The following KSR2 variants were observed in gnomAD, a reference collection of about 807,000 sequenced individuals.
The protein encoded by KSR2 is kinase suppressor of ras 2.
Under a neutral mutation model 107.8 loss-of-function variants are expected in KSR2, and 25 were observed. The ratio of observed to expected loss-of-function variants is 0.23; its 90% CI spans 0.17 to 0.32. KSR2 has a LOEUF of 0.32. Among genes scored for constraint, KSR2 ranks in the 10% least tolerant of loss-of-function variants. The pLI, the probability that KSR2 is intolerant of heterozygous loss-of-function variation, is 1.00. For missense variants in KSR2, 887 were observed against 1,268.9 expected, an observed-to-expected ratio of 0.70 and a Z score of 4.57; for synonymous variants, 480 against 507.0, an observed-to-expected ratio of 0.95 and a Z score of 0.71.
At chr12:117,586,629 A>AAAGAAAGAAAG (rs1880013883) in intron 5 of KSR2, among the ~76,000 whole-genome samples, 7 of 138,314 alleles carry the variant, frequency 5.1e-5, no homozygotes, top group East Asian at 2.1e-4. Flanking sequence ...AAAAGAAAGA[A>AAAGAAAGAAAG]AAAGAAAGAA....
chr12:117,595,897 G>A (rs546273689), intron 5 of KSR2, among the ~76,000 whole-genome samples: 2 of 152,268 alleles, frequency 1.3e-5, no homozygotes, highest in South Asian at 2.1e-4. Context: ...CTCAGAAGAG[G>A]GTGTTTGACC....
intron 4 of KSR2, among the ~76,000 whole-genome samples, chr12:117,724,890 G>C (rs921680460): frequency 3.9e-5 from 6 of 152,060 alleles, no homozygotes; most frequent in African/African-American, 1.4e-4. Context: ...GAAGTCAAGA[G>C]AGTCAAAGAC....
intron 14 of KSR2, among the ~76,000 whole-genome samples, chr12:117,501,403 C>G (rs1873367290): frequency 6.6e-6 from 1 of 152,210 alleles, no homozygotes; most frequent in African/African-American, 2.4e-5. Flanking sequence ...ACTAGAAGGG[C>G]TTTCTTCAAT....
Position 117,477,617 on chromosome 12 carries a change from C to T in KSR2, c.2451-1022G>A, listed in dbSNP as rs763928413. Among the ~76,000 whole-genome samples, 127 of 152,282 alleles carry T rather than the reference C, an allele frequency of 8.3e-4. 3 individuals carry two copies. Among genetic ancestry groups the T allele is most frequent in the Non-Finnish European group, 4.1e-4 (28 of 68,020 alleles). On this transcript the variant is annotated intron_variant, in intron 16 of 19. Coordinates refer to ENST00000339824, the MANE Select transcript of KSR2 (RefSeq NM_173598.6). Reference sequence around the variant, plus strand: ...CAGGTAAACTGTGAGCTAAGATCTACGTGACATAAAGGATCCAGTTATGTG... The same window carrying T: ...CAGGTAAACTGTGAGCTAAGATCTATGTGACATAAAGGATCCAGTTATGTG...
intron 5 of KSR2, among the ~76,000 whole-genome samples, chr12:117,621,654 G>A (rs1004132117): frequency 1.3e-5 from 2 of 152,024 alleles, no homozygotes; most frequent in African/African-American, 4.8e-5. Context: ...TTTAGTTAAT[G>A]GTATTATACC....
chr12:117,535,450 T>TTC (rs1875975284), intron 10 of KSR2, among the ~76,000 whole-genome samples: 3 of 152,038 alleles, frequency 2.0e-5, no homozygotes, highest in African/African-American at 7.2e-5. Context: ...AAAGAGGCAC[T>TTC]CAGGAGAGAC....
rs1409873040 is a variant in KSR2 at position 117,630,923 on chromosome 12, A to C, written c.1171+36551T>G. On this transcript the variant is annotated intron_variant, in intron 5 of 19. Coordinates refer to ENST00000339824, the MANE Select transcript of KSR2 (RefSeq NM_173598.6). ...TTTCCTGTGGGTATAGATTCTCCAA[A>C]GACCTGAGGATTCACAATCCAAGCC... Among the ~76,000 whole-genome samples, 4 of 152,298 alleles carry C rather than the reference A, an allele frequency of 2.6e-5. No individual in the cohort carries two copies. In the East Asian group the frequency reaches 7.7e-4, roughly 29 times the overall value.
chr12:117,606,105 C>G (rs566434668), intron 5 of KSR2, among the ~76,000 whole-genome samples: 5 of 152,012 alleles, frequency 3.3e-5, no homozygotes, highest in Non-Finnish European at 4.4e-5. Flanking sequence ...TTGCAGAGTG[C>G]TTAGGACAGG....
chr12:117,682,188 T>A (rs933823800), intron 4 of KSR2, among the ~76,000 whole-genome samples: 2 of 151,948 alleles, frequency 1.3e-5, no homozygotes, highest in Non-Finnish European at 2.9e-5. Flanking sequence ...AAACACCACA[T>A]GTTATCACTT....
chr12:117,920,538 G>A (rs1238824295), intron 1 of KSR2, among the ~76,000 whole-genome samples: 1 of 152,014 alleles, frequency 6.6e-6, no homozygotes, highest in Non-Finnish European at 1.5e-5. Flanking sequence ...GTTATTTGTT[G>A]AGCATTTACT....
intron 2 of KSR2, among the ~76,000 whole-genome samples, chr12:117,859,525 T>C (rs1893217153): frequency 6.8e-6 from 1 of 147,426 alleles, no homozygotes; most frequent in Non-Finnish European, 1.5e-5. Flanking sequence ...GGCATGATCA[T>C]AGCTCACTGT....
chr12:117,951,966 T>C (rs1037173105), intron 1 of KSR2, among the ~76,000 whole-genome samples: 2 of 151,828 alleles, frequency 1.3e-5, no homozygotes, highest in African/African-American at 4.8e-5. Flanking sequence ...GTCAAACCCA[T>C]AGAAATAGAG....
chr12:117,856,855 C>T (rs753147353), intron 2 of KSR2, among the ~76,000 whole-genome samples: 25 of 152,270 alleles, frequency 1.6e-4, no homozygotes, highest in Non-Finnish European at 2.8e-4. Flanking sequence ...CCACATTAAA[C>T]TGATAGCCAG....
At chr12:117,694,793 C>G (rs1277220045) in intron 4 of KSR2, among the ~76,000 whole-genome samples, 2 of 150,250 alleles carry the variant, frequency 1.3e-5, no homozygotes, top group African/African-American at 2.4e-5. Context: ...ACCTTGAAGA[C>G]ATTCTGCTAA....
chr12:117,633,160 C>T (rs1364422834), intron 5 of KSR2, among the ~76,000 whole-genome samples: 1 of 152,242 alleles, frequency 6.6e-6, no homozygotes, highest in Non-Finnish European at 1.5e-5. Context: ...CTCCTGCCTT[C>T]ATAATGTTAC....
intron 14 of KSR2, among the ~76,000 whole-genome samples, chr12:117,502,239 A>G (rs1031859770): frequency 1.3e-5 from 2 of 152,230 alleles, no homozygotes; most frequent in Non-Finnish European, 2.9e-5. Context: ...ATGTGTGTGT[A>G]CATATGTATG....
intron 5 of KSR2, among the ~76,000 whole-genome samples, chr12:117,592,399 C>T (rs903557777): frequency 1.3e-5 from 2 of 152,074 alleles, no homozygotes; most frequent in Non-Finnish European, 2.9e-5. Context: ...CAGGCATGAG[C>T]GACCGTGCCT....
intron 14 of KSR2, among the ~76,000 whole-genome samples, chr12:117,512,727 A>ATAGACT (rs3071473): frequency 0.82 from 123,777 of 151,288 alleles, 51,185 homozygotes; most frequent in East Asian, 0.98. Flanking sequence ...TCACCTCTTA[A>ATAGACT]TAGACTTAGA....
At chr12:117,951,024 T>C (rs1231683004) in intron 1 of KSR2, among the ~76,000 whole-genome samples, 2 of 151,842 alleles carry the variant, frequency 1.3e-5, no homozygotes, top group Non-Finnish European at 2.9e-5. Context: ...TCTCCTGCCT[T>C]AGCCTCCCAA....
Sources: allele counts gnomAD v4.1 joint callset (sites outside exome capture counted in the v4.1 genomes callset), GRCh38; gene constraint gnomAD v4.1.1; transcripts MANE v1.5; gene names NCBI Gene and HGNC (gene_info 2026-07-23, HGNC 2026-07-21).